Variants in MAGI1 observed in about 807,000 individuals in gnomAD.
MAGI1 encodes the protein membrane-associated guanylate kinase, WW and PDZ domain-containing protein 1.
Under a neutral mutation model 139.9 loss-of-function variants are expected in MAGI1, and 58 were observed. The ratio of observed to expected loss-of-function variants is 0.41; its 90% CI spans 0.34 to 0.52. The LOEUF (loss-of-function observed/expected upper bound fraction) is 0.52. MAGI1 is among the 20% of genes least tolerant of loss of function. The probability of loss-of-function intolerance (pLI) is 0.12; values close to 1 mark genes in which losing one functional copy is unlikely to be tolerated. For missense variants in MAGI1, 1,874 were observed against 1,901.6 expected, an observed-to-expected ratio of 0.99 and a Z score of 0.27; for synonymous variants, 812 against 737.9, an observed-to-expected ratio of 1.10 and a Z score of -1.63.
At chr3:65,891,398 G>A (rs1182264186) in intron 1 of MAGI1, among the ~76,000 whole-genome samples, 1 of 151,952 alleles carries the variant, frequency 6.6e-6, no homozygotes. Flanking sequence ...ACCCATCACT[G>A]ACCAATCACT....
rs1390351230 is a variant in MAGI1, at chr3:65,467,024, G to A, written c.959+3259C>T. ...ATCAGGGCTTTATTTGCCTCTATCTGTAGGCATTTCTGGGTTGCTGGCTCT... is the reference window on the plus strand; with the variant it reads ...ATCAGGGCTTTATTTGCCTCTATCTATAGGCATTTCTGGGTTGCTGGCTCT... On this transcript the variant is annotated intron_variant, in intron 5 of 22. Transcript: ENST00000402939. Among the ~76,000 whole-genome samples the A allele has an allele frequency of 2.6e-5, 4 of 152,182 alleles. No homozygotes were observed. In the East Asian group the frequency reaches 5.8e-4, roughly 22 times the overall value.
intron 1 of MAGI1, among the ~76,000 whole-genome samples, chr3:65,722,889 T>A: frequency 6.7e-6 from 1 of 149,210 alleles, no homozygotes; most frequent in African/African-American, 2.5e-5. Flanking sequence ...CTTGTGGGGG[T>A]AGGGGAGGGG....
intron 1 of MAGI1, among the ~76,000 whole-genome samples, chr3:65,942,805 G>A (rs998996532): frequency 5.3e-5 from 8 of 152,282 alleles, no homozygotes; most frequent in Middle Eastern, 6.8e-3. Context: ...CAGATAACAA[G>A]AGGTTGGGAG....
chr3:65,655,730 C>A (rs1559758939), intron 1 of MAGI1, among the ~76,000 whole-genome samples: 1 of 152,162 alleles, frequency 6.6e-6, no homozygotes, highest in Non-Finnish European at 1.5e-5. Context: ...GAGAAAGTTG[C>A]CCAAGTTCAC....
chr3:65,895,788 C>T (rs898156595), intron 1 of MAGI1, among the ~76,000 whole-genome samples: 1 of 152,226 alleles, frequency 6.6e-6, no homozygotes, highest in Non-Finnish European at 1.5e-5. Flanking sequence ...TGCTTCTAAA[C>T]ACTTTTTCCT....
intron 2 of MAGI1, among the ~76,000 whole-genome samples, chr3:65,523,876 C>T (rs1035664560): frequency 6.6e-6 from 1 of 152,068 alleles, no homozygotes; most frequent in Admixed American, 6.6e-5. Context: ...GAGTAAGAAG[C>T]CTGAGAGTGC....
intron 1 of MAGI1, among the ~76,000 whole-genome samples, chr3:65,780,549 C>T (rs963189845): frequency 6.6e-6 from 1 of 152,156 alleles, no homozygotes; most frequent in Admixed American, 6.5e-5. Flanking sequence ...TCTCAATACT[C>T]AAACTCAATA....
chr3:65,850,637 CCT>C (rs2059169026), intron 1 of MAGI1, among the ~76,000 whole-genome samples: 1 of 152,030 alleles, frequency 6.6e-6, no homozygotes, highest in African/African-American at 2.4e-5. Flanking sequence ...GGCTTTTTGT[CCT>C]CTGTTTTTAC....
chr3:65,518,076 T>C (rs1399501190), intron 2 of MAGI1, among the ~76,000 whole-genome samples: 1 of 152,222 alleles, frequency 6.6e-6, no homozygotes, highest in Non-Finnish European at 1.5e-5. Context: ...GAGTAGTATC[T>C]GGTCCATATT....
intron 1 of MAGI1, among the ~76,000 whole-genome samples, chr3:65,816,314 T>A (rs993682466): frequency 6.6e-6 from 1 of 152,198 alleles, no homozygotes; most frequent in African/African-American, 2.4e-5. Context: ...ATGAAAAATT[T>A]CCATAATCTG....
intron 1 of MAGI1, among the ~76,000 whole-genome samples, chr3:66,004,354 T>C (rs2066904870): frequency 1.3e-5 from 2 of 152,198 alleles, no homozygotes; most frequent in Non-Finnish European, 2.9e-5. Flanking sequence ...CTCGCATGTC[T>C]AGAGGTTGAC....
chr3:66,027,513 T>C (rs1040387702), intron 1 of MAGI1, among the ~76,000 whole-genome samples: 6 of 152,032 alleles, frequency 3.9e-5, no homozygotes, highest in East Asian at 3.9e-4. Flanking sequence ...AGTAAGATTA[T>C]TGGAATCAGA....
Position 65,980,040 on chromosome 3 carries a change from G to C in MAGI1, c.313+57956C>G, listed in dbSNP as rs193133178. Among the ~76,000 whole-genome samples, 4 of 152,254 alleles carry C rather than the reference G, an allele frequency of 2.6e-5. No homozygotes were observed. In the South Asian group the frequency reaches 6.2e-4, roughly 24 times the overall value. ...CACATGGCCTTGTCCCTGGGCAACC[G>C]ACACATCTGGATGAGGGTGGGACAA... On this transcript the variant is annotated intron_variant, in intron 1 of 22. Transcript: ENST00000402939.
At chr3:65,891,297 T>C (rs2060736183) in intron 1 of MAGI1, among the ~76,000 whole-genome samples, 1 of 151,990 alleles carries the variant, frequency 6.6e-6, no homozygotes, top group African/African-American at 2.4e-5. Context: ...GACAACTACT[T>C]GCTCTTTAAA....
chr3:65,508,177 G>A (rs2077383223), intron 2 of MAGI1, among the ~76,000 whole-genome samples: 1 of 151,830 alleles, frequency 6.6e-6, no homozygotes, highest in Non-Finnish European at 1.5e-5. Flanking sequence ...GCCGAGGCGG[G>A]CAGATCACAA....
In MAGI1 at chr3:65,900,714, C is replaced by A. The variant is rs554274708; in HGVS notation, c.313+137282G>T. On this transcript the variant is annotated intron_variant, in intron 1 of 22. Transcript: ENST00000402939. The stretch of plus-strand genomic sequence containing the variant: ...CCCAGTCTTCTAGCCATTTTCTTAC[C>A]CCTATAGGTTACAAAAGACATACTT... Among the ~76,000 whole-genome samples the A allele has an allele frequency of 2.6e-4, 39 of 152,288 alleles. 1 individual carries two copies. In the South Asian group the frequency reaches 7.7e-3, roughly 30 times the overall value.
intron 1 of MAGI1, among the ~76,000 whole-genome samples, chr3:65,683,086 C>T (rs528530193): frequency 1.3e-5 from 2 of 152,052 alleles, no homozygotes; most frequent in Admixed American, 1.3e-4. Flanking sequence ...GAAGGCAGAG[C>T]TCAGGGAGTA....
chr3:65,591,246 C>T (rs888443548), intron 2 of MAGI1, among the ~76,000 whole-genome samples: 21 of 152,244 alleles, frequency 1.4e-4, no homozygotes, highest in African/African-American at 4.1e-4. Flanking sequence ...GACCCACCCC[C>T]GCCTGGTGTC....
At chr3:65,428,957 A>G (rs1575711292) in intron 12 of MAGI1, among the ~76,000 whole-genome samples, 1 of 152,206 alleles carries the variant, frequency 6.6e-6, no homozygotes, top group Admixed American at 6.5e-5. Context: ...GAGGCAAGAA[A>G]AGGCTTGAAG....
Sources: allele counts gnomAD v4.1 joint callset (sites outside exome capture counted in the v4.1 genomes callset), GRCh38; gene constraint gnomAD v4.1.1; transcripts MANE v1.5; gene names NCBI Gene and HGNC (gene_info 2026-07-23, HGNC 2026-07-21).